KHDRBS2: variants seen among roughly 807,000 people sequenced by gnomAD.
KHDRBS2 encodes KH domain-containing, RNA-binding, signal transduction-associated protein 2.
A neutral mutation model predicts 44.3 loss-of-function variants in KHDRBS2; 26 were observed. The observed-to-expected ratio is 0.59, with a 90% CI of 0.43 to 0.81. The LOEUF (loss-of-function observed/expected upper bound fraction) is 0.81. KHDRBS2 is among the 40% of genes least tolerant of loss of function. The pLI is 0.00. For synonymous variants in KHDRBS2, 194 were observed against 151.1 expected (o/e 1.28, Z -2.08); for missense variants, 476 against 433.1 (o/e 1.10, Z -0.88).
At chr6:61,573,088 A>T in the KHDRBS2 span, among the ~76,000 whole-genome samples, 9 of 152,150 alleles carry the variant, frequency 5.9e-5, no homozygotes, top group Non-Finnish European at 1.3e-4. Flanking sequence ...TCAGCCAAAA[A>T]GCTCCTAGAT....
At chr6:61,887,614 T>C (rs1801158122) in intron 6 of KHDRBS2, among the ~76,000 whole-genome samples, 1 of 152,138 alleles carries the variant, frequency 6.6e-6, no homozygotes, top group South Asian at 2.1e-4. Context: ...TTAAATACAT[T>C]CCATGTGGTC....
rs144874406 is a variant in KHDRBS2 at position 62,159,058 on chromosome 6, T to G, written c.219+18127A>C. Among the ~76,000 whole-genome samples, 104 of 151,866 alleles carry G rather than the reference T, an allele frequency of 6.8e-4. 1 individual carries two copies. The East Asian group carries it at 0.019, about 28-fold the overall frequency. Reference sequence around the variant, plus strand: ...ATCCAAAAAATATATCTTGAATGATTTAATGAATTAATTGGAATTAATATT... The same window carrying G: ...ATCCAAAAAATATATCTTGAATGATGTAATGAATTAATTGGAATTAATATT... On this transcript the variant is annotated intron_variant, in intron 2 of 8. Transcript: ENST00000281156.
chr6:61,652,082 G>A, the KHDRBS2 span, among the ~76,000 whole-genome samples: 1 of 152,038 alleles, frequency 6.6e-6, no homozygotes, highest in Non-Finnish European at 1.5e-5. Flanking sequence ...TTTTGGAGTG[G>A]AGAGAAGAAA....
chr6:61,593,900 T>A, the KHDRBS2 span, among the ~76,000 whole-genome samples: 1 of 152,140 alleles, frequency 6.6e-6, no homozygotes, highest in African/African-American at 2.4e-5. Flanking sequence ...CCAAGTCTAT[T>A]GGCTTTATAA....
At chr6:61,982,973 C>A (rs753106843) in intron 3 of KHDRBS2, among the ~76,000 whole-genome samples, 30 of 151,676 alleles carry the variant, frequency 2.0e-4, no homozygotes, top group Non-Finnish European at 3.7e-4. Context: ...AAATATTTAT[C>A]TTTTTCTCTT....
At chr6:61,736,337 T>C (rs1775357370) in intron 6 of KHDRBS2, among the ~76,000 whole-genome samples, 1 of 151,798 alleles carries the variant, frequency 6.6e-6, no homozygotes, top group Admixed American at 6.6e-5. Context: ...ATCTCCTTTG[T>C]GGTGGGACAA....
At chr6:62,115,918 C>G (rs1328379609) in intron 2 of KHDRBS2, among the ~76,000 whole-genome samples, 1 of 151,918 alleles carries the variant, frequency 6.6e-6, no homozygotes, top group African/African-American at 2.4e-5. Context: ...TTAAATAAAA[C>G]ATGGAGACAG....
In KHDRBS2 at chr6:61,920,419, C is replaced by T. The variant is rs114276620; in HGVS notation, c.484-19048G>A. Among the ~76,000 whole-genome samples the T allele has an allele frequency of 1.9e-3, 293 of 152,044 alleles. 3 individuals are homozygous for T. Among genetic ancestry groups the T allele is most frequent in the African/African-American group, 6.3e-3 (260 of 41,530 alleles). ...CACCTGATAAATGTTAGTTCTTATG[C>T]TCCCCAGGGGGATTACAGAATTGCC... On this transcript the variant is annotated intron_variant, in intron 4 of 8. Coordinates refer to ENST00000281156, the MANE Select transcript of KHDRBS2 (RefSeq NM_152688.4).
intron 6 of KHDRBS2, among the ~76,000 whole-genome samples, chr6:61,743,519 A>G (rs923798035): frequency 2.0e-5 from 3 of 152,074 alleles, no homozygotes; most frequent in Non-Finnish European, 4.4e-5. Flanking sequence ...CACAAACACA[A>G]TTTGGGATTT....
chr6:61,871,226 G>A (rs1798614023), intron 6 of KHDRBS2, among the ~76,000 whole-genome samples: 1 of 152,172 alleles, frequency 6.6e-6, no homozygotes, highest in Admixed American at 6.5e-5. Flanking sequence ...AGTATCCATA[G>A]CTGGATTGAT....
intron 2 of KHDRBS2, among the ~76,000 whole-genome samples, chr6:62,157,684 A>C (rs1372485282): frequency 1.3e-5 from 2 of 152,310 alleles, no homozygotes; most frequent in East Asian, 1.9e-4. Context: ...ATTATTTAAT[A>C]TTATATGTAG....
chr6:61,961,676 G>A (rs1390912439), intron 4 of KHDRBS2, among the ~76,000 whole-genome samples: 1 of 152,110 alleles, frequency 6.6e-6, no homozygotes, highest in Non-Finnish European at 1.5e-5. Context: ...TAAGGAGAGA[G>A]CAAGCCTGAC....
In KHDRBS2 at chr6:61,746,015, GT is replaced by G. The variant is rs552992151; in HGVS notation, c.811-13252del. 2.0e-5 allele frequency among the ~76,000 whole-genome samples: 3 copies of G among 151,628 alleles called. No homozygotes were observed. The South Asian group carries it at 6.3e-4, about 32-fold the overall frequency. ...TAGTCACTGAGACTTAGTACTTAACGTTTTTTTCCCAAAAAGATTTTATTTT... is the reference window on the plus strand; with the variant it reads ...TAGTCACTGAGACTTAGTACTTAACGTTTTTTCCCAAAAAGATTTTATTTT... On this transcript the variant is annotated intron_variant, in intron 6 of 8. Transcript: ENST00000281156.
chr6:61,738,550 AAAAT>A (rs1443215954), intron 6 of KHDRBS2, among the ~76,000 whole-genome samples: 1 of 151,998 alleles, frequency 6.6e-6, no homozygotes, highest in Non-Finnish European at 1.5e-5. Context: ...GTGTGGGTCT[AAAAT>A]GAAGGCCTGA....
the KHDRBS2 span, among the ~76,000 whole-genome samples, chr6:61,590,378 A>G: frequency 6.6e-6 from 1 of 152,226 alleles, no homozygotes; most frequent in African/African-American, 2.4e-5. Context: ...GTCTCCCAAG[A>G]GACCATCAAG....
intron 6 of KHDRBS2, among the ~76,000 whole-genome samples, chr6:61,736,368 G>A (rs1464151196): frequency 6.6e-6 from 1 of 151,816 alleles, no homozygotes; most frequent in African/African-American, 2.4e-5. Context: ...CATAATTGGA[G>A]CTTTCTGGAG....
rs569944333 is a variant in KHDRBS2, at chr6:61,737,696, C to T, written c.811-4932G>A. 2.0e-5 allele frequency among the ~76,000 whole-genome samples: 3 copies of T among 152,110 alleles called. No homozygotes were observed. In the South Asian group the frequency reaches 6.2e-4, roughly 32 times the overall value. On this transcript the variant is annotated intron_variant, in intron 6 of 8. Transcript: ENST00000281156. ...CAGCTAGGGTAGGGAGAGACAACCG[C>T]AGAGCCATAAAAGGCATGGACTCCG...
At chr6:61,701,884 G>C (rs1314513163) in intron 7 of KHDRBS2, among the ~76,000 whole-genome samples, 1 of 151,956 alleles carries the variant, frequency 6.6e-6, no homozygotes, top group Non-Finnish European at 1.5e-5. Context: ...GTAGAAGGTT[G>C]AGAATAAGAA....
chr6:61,837,469 T>G (rs1330780654), intron 6 of KHDRBS2, among the ~76,000 whole-genome samples: 1 of 151,954 alleles, frequency 6.6e-6, no homozygotes, highest in Non-Finnish European at 1.5e-5. Flanking sequence ...ATTTACACTA[T>G]GAAGTAAATA....
Sources: gnomAD v4.1 joint callset for allele counts (sites outside exome capture counted in the v4.1 genomes callset) on GRCh38, gnomAD v4.1.1 for gene constraint, MANE v1.5 for transcripts, NCBI Gene and HGNC (gene_info 2026-07-23, HGNC 2026-07-21) for gene names.